The following TRHDE variants were observed in gnomAD, a reference collection of about 807,000 sequenced individuals.
TRHDE encodes the protein thyrotropin releasing hormone degrading enzyme, also known as thyrotropin-releasing hormone-degrading ectoenzyme.
A neutral mutation model predicts 125.7 loss-of-function variants in TRHDE; 72 were observed. That is an observed-to-expected ratio of 0.57 (90% CI 0.47 to 0.70). The LOEUF (loss-of-function observed/expected upper bound fraction) is 0.70, where lower values mean the gene tolerates loss of function less well. Among genes scored for constraint, TRHDE ranks in the 30% least tolerant of loss-of-function variants. The pLI, the probability that TRHDE is intolerant of heterozygous loss-of-function variation, is 0.00. For synonymous variants in TRHDE, 509 were observed against 509.1 expected (o/e 1.00, Z 0.00); for missense variants, 1,110 against 1,327.1 (o/e 0.84, Z 2.54).
chr12:72,119,095 C>G (rs1173233982), intron 2 of TRHDE, among the ~76,000 whole-genome samples: 1 of 151,746 alleles, frequency 6.6e-6, no homozygotes, highest in Non-Finnish European at 1.5e-5. Flanking sequence ...CTTTAGTTTG[C>G]TCTTGCTTTA....
intron 2 of TRHDE, 143 bp downstream of exon 2, chr12:72,287,097 T>A (rs1328413407): frequency 3.3e-6 from 3 of 902,168 alleles, no homozygotes; most frequent in Non-Finnish European, 4.9e-6. Context: ...GGGGGGGTTT[T>A]TACATATTTT....
At chr12:72,319,328 G>A (rs1212223788) in intron 2 of TRHDE, among the ~76,000 whole-genome samples, 1 of 152,062 alleles carries the variant, frequency 6.6e-6, no homozygotes, top group Non-Finnish European at 1.5e-5. Context: ...TGTGGGAGTG[G>A]GTCTCTTTAT....
At chr12:72,313,731 T>C (rs1565694675) in intron 2 of TRHDE, among the ~76,000 whole-genome samples, 2 of 152,196 alleles carry the variant, frequency 1.3e-5, no homozygotes, top group Non-Finnish European at 2.9e-5. Context: ...AAAGCTTTTG[T>C]TCAATTCTGG....
intron 3 of TRHDE, among the ~76,000 whole-genome samples, chr12:72,433,782 C>G (rs1012416382): frequency 1.3e-5 from 2 of 150,404 alleles, no homozygotes; most frequent in Non-Finnish European, 2.9e-5. Context: ...CAGAGTCTGG[C>G]TCTGGTAGAG....
At chr12:72,388,753 G>A (rs1304631413) in intron 3 of TRHDE, among the ~76,000 whole-genome samples, 2 of 151,984 alleles carry the variant, frequency 1.3e-5, no homozygotes, top group African/African-American at 4.8e-5. Flanking sequence ...GGTGAAAAAT[G>A]GGTGAGTTAG....
At chr12:72,182,311 T>C (rs1877110699) in intron 2 of TRHDE, among the ~76,000 whole-genome samples, 1 of 152,196 alleles carries the variant, frequency 6.6e-6, no homozygotes, top group Non-Finnish European at 1.5e-5. Flanking sequence ...ATTATCTCAC[T>C]TTCCTTTGTT....
At chr12:72,645,740 T>G (rs554274710) in intron 15 of TRHDE, among the ~76,000 whole-genome samples, 7 of 152,200 alleles carry the variant, frequency 4.6e-5, no homozygotes, top group African/African-American at 1.4e-4. Context: ...TGGCACCTGC[T>G]AAGGAACACT....
intron 2 of TRHDE, among the ~76,000 whole-genome samples, chr12:72,232,153 G>A (rs964381470): frequency 2.0e-5 from 3 of 152,142 alleles, no homozygotes; most frequent in Non-Finnish European, 4.4e-5. Context: ...GGCCATGCAG[G>A]GCAACATGGG....
At chr12:72,548,379 T>G (rs1161997939) in intron 7 of TRHDE, among the ~76,000 whole-genome samples, 1 of 151,794 alleles carries the variant, frequency 6.6e-6, no homozygotes, top group Non-Finnish European at 1.5e-5. Context: ...CATTGCATCT[T>G]TGACTTACAG....
chr12:72,254,560 T>C (rs533618020), intron 2 of TRHDE: 1 of 152,320 alleles, frequency 6.6e-6, no homozygotes, highest in African/African-American at 2.4e-5. Flanking sequence ...TCCTTTTTTC[T>C]TCAAACCTTT....
intron 1 of TRHDE, among the ~76,000 whole-genome samples, chr12:72,098,963 G>A (rs1448989236): frequency 2.0e-5 from 3 of 152,070 alleles, no homozygotes; most frequent in East Asian, 1.9e-4. Flanking sequence ...CCAGGAGTTC[G>A]AGACCAACCT....
intron 2 of TRHDE, among the ~76,000 whole-genome samples, chr12:72,179,900 T>C (rs1877061693): frequency 6.6e-6 from 1 of 152,130 alleles, no homozygotes. Flanking sequence ...TTCTTCTAGT[T>C]ATTTACAGGT....
intron 2 of TRHDE, among the ~76,000 whole-genome samples, chr12:72,106,853 C>T (rs1024120299): frequency 1.3e-5 from 2 of 152,096 alleles, no homozygotes; most frequent in Non-Finnish European, 2.9e-5. Flanking sequence ...AGAGAGAAAA[C>T]TTCAGGTGTG....
At chr12:72,230,688 C>A (rs1461730550) in intron 2 of TRHDE, among the ~76,000 whole-genome samples, 8 of 152,034 alleles carry the variant, frequency 5.3e-5, no homozygotes, top group Admixed American at 5.3e-4. Context: ...TGGCTGATTG[C>A]AAAAGCTCTC....
intron 18 of TRHDE, among the ~76,000 whole-genome samples, chr12:72,657,545 TA>T (rs1349281180): frequency 1.3e-5 from 2 of 152,196 alleles, no homozygotes; most frequent in African/African-American, 2.4e-5. Context: ...TTGAGATTAA[TA>T]AATTGCTTTA....
intron 10 of TRHDE, among the ~76,000 whole-genome samples, chr12:72,572,727 T>C (rs12304367): frequency 0.27 from 40,418 of 151,886 alleles, 8,109 homozygotes; most frequent in African/African-American, 0.54. Flanking sequence ...TCTGGTCAGA[T>C]GGTGTAGAAG....
chr12:72,105,467 G>T (rs1875165234), intron 1 of TRHDE, among the ~76,000 whole-genome samples: 1 of 152,156 alleles, frequency 6.6e-6, no homozygotes, highest in Non-Finnish European at 1.5e-5. Flanking sequence ...TAAGATTATG[G>T]ACAGCTGTGA....
At chr12:72,316,841 G>A (rs1035880286) in intron 2 of TRHDE, among the ~76,000 whole-genome samples, 4 of 152,184 alleles carry the variant, frequency 2.6e-5, no homozygotes, top group Non-Finnish European at 5.9e-5. Flanking sequence ...TCAGAGAAAT[G>A]TGTTCTGGTG....
At chr12:72,549,566 T>A (rs531915692) in intron 7 of TRHDE, among the ~76,000 whole-genome samples, 47 of 151,962 alleles carry the variant, frequency 3.1e-4, no homozygotes, top group African/African-American at 1.1e-3. Context: ...GTTAATAACT[T>A]GAAAATAATT....
Sources: allele counts gnomAD v4.1 joint callset (sites outside exome capture counted in the v4.1 genomes callset), GRCh38; gene constraint gnomAD v4.1.1; transcripts MANE v1.5; gene names NCBI Gene and HGNC (gene_info 2026-07-23, HGNC 2026-07-21).